Variants in ARID5B observed in about 807,000 individuals in gnomAD.
The protein encoded by ARID5B is AT-rich interactive domain-containing protein 5B.
In ARID5B, 13 loss-of-function variants were observed where a neutral mutation model predicts 97.2. The observed-to-expected ratio is 0.13, with a 90% CI of 0.09 to 0.21. The LOEUF (loss-of-function observed/expected upper bound fraction) is 0.21, where lower values mean the gene tolerates loss of function less well. Ranked by LOEUF, ARID5B falls within the 10% of genes least tolerant of loss-of-function variation. ARID5B has a pLI of 1.00. For synonymous variants in ARID5B, 556 were observed against 570.3 expected (o/e 0.97, Z 0.36); for missense variants, 1,210 against 1,465.3 (o/e 0.83, Z 2.84).
chr10:62,058,158 C>T (rs753533689), intron 6 of ARID5B, among the ~76,000 whole-genome samples: 7 of 152,188 alleles, frequency 4.6e-5, no homozygotes, highest in South Asian at 2.1e-4. Flanking sequence ...GGAGAACACT[C>T]GCAGCCATTA....
rs141948841 is a variant in ARID5B, at chr10:62,067,764, G to A, written c.1102-1936G>A. Reference sequence around the variant, plus strand: ...TGCTGCTGTGTGTCATTGGGCAAGTGTGCAGCCTCTCTGAATCTCCCTTCT... The same window carrying A: ...TGCTGCTGTGTGTCATTGGGCAAGTATGCAGCCTCTCTGAATCTCCCTTCT... On this transcript the variant is annotated intron_variant, in intron 7 of 9. Transcript: ENST00000279873. Among the ~76,000 whole-genome samples the A allele has an allele frequency of 7.4e-3, 1,125 of 152,366 alleles. 12 individuals are homozygous for A. Among genetic ancestry groups the A allele is most frequent in the African/African-American group, 0.026 (1,090 of 41,582 alleles).
intron 3 of ARID5B, among the ~76,000 whole-genome samples, chr10:61,951,812 C>A (rs957476735): frequency 3.9e-5 from 6 of 152,174 alleles, no homozygotes; most frequent in Admixed American, 3.3e-4. Context: ...ATAAAATCTA[C>A]TGTTTGGGAA....
Position 62,092,481 on chromosome 10 carries a change from T to C in ARID5B, c.3018T>C (p.Ile1006=), listed in dbSNP as rs777094949. 6.2e-7 allele frequency: 1 copy of C among 1,613,972 alleles called. No individual in the cohort carries two copies. Among genetic ancestry groups the C allele is most frequent in the Non-Finnish European group, 8.5e-7 (1 of 1,179,970 alleles). ...ACCGGAAAATGAGCCCGCAGAACAT[T>C]GGGGCGGCGCGGCCGATCAAGCGCA... ...ILHRKMSPQN[I]GAARPIKRSL... is the part of the protein sequence containing the mutation. Residue 1006 remains isoleucine (I), a synonymous_variant, in exon 10 of 10, where the codon ATT becomes ATC. Coordinates refer to ENST00000279873, the MANE Select transcript of ARID5B (RefSeq NM_032199.3).
intron 9 of ARID5B, among the ~76,000 whole-genome samples, chr10:62,088,821 T>C (rs927554999): frequency 2.0e-5 from 3 of 152,216 alleles, no homozygotes; most frequent in African/African-American, 7.2e-5. Flanking sequence ...TCAATGGAGA[T>C]ACAAAGGGTG....
At chr10:62,081,755 A>G (rs961972785) in intron 8 of ARID5B, among the ~76,000 whole-genome samples, 1 of 152,254 alleles carries the variant, frequency 6.6e-6, no homozygotes, top group Admixed American at 6.5e-5. Flanking sequence ...ACATTACAGT[A>G]ATAGATTTGC....
At chr10:62,053,226 AC>A (rs1839814062) in intron 5 of ARID5B, among the ~76,000 whole-genome samples, 1 of 152,176 alleles carries the variant, frequency 6.6e-6, no homozygotes, top group East Asian at 1.9e-4. Flanking sequence ...TGTGACCAAG[AC>A]CCATGTGACT....
intron 2 of ARID5B, among the ~76,000 whole-genome samples, chr10:61,904,394 C>T (rs1302489754): frequency 2.0e-5 from 3 of 152,098 alleles, no homozygotes; most frequent in Non-Finnish European, 4.4e-5. Context: ...AGAATAAAGG[C>T]TATATTTGCC....
chr10:62,001,738 C>G (rs1242137553), intron 4 of ARID5B, among the ~76,000 whole-genome samples: 1 of 152,080 alleles, frequency 6.6e-6, no homozygotes, highest in Non-Finnish European at 1.5e-5. Context: ...GACATTTTTT[C>G]CCTCTAAATT....
At chr10:62,069,999 T>C (rs1055161246) in intron 8 of ARID5B, among the ~76,000 whole-genome samples, 10 of 152,052 alleles carry the variant, frequency 6.6e-5, no homozygotes, top group Admixed American at 5.9e-4. Flanking sequence ...AGATGTTCTT[T>C]TAGTTTGGTT....
chr10:61,901,820 C>A (rs1485954953), intron 1 of ARID5B, 90 bp downstream of exon 1: 17 of 1,035,866 alleles, frequency 1.6e-5, no homozygotes, highest in South Asian at 1.6e-4. Context: ...CCCACCCACA[C>A]CCCCCACAAA....
intron 3 of ARID5B, among the ~76,000 whole-genome samples, chr10:61,965,340 G>A (rs979305611): frequency 6.6e-6 from 1 of 152,164 alleles, no homozygotes; most frequent in Non-Finnish European, 1.5e-5. Flanking sequence ...TTTGTAGAGA[G>A]AGGAGGATTT....
At chr10:61,916,321 C>T (rs1313198770) in intron 2 of ARID5B, among the ~76,000 whole-genome samples, 2 of 152,144 alleles carry the variant, frequency 1.3e-5, no homozygotes, top group South Asian at 4.1e-4. Context: ...GCCATGCCCA[C>T]GTTTACAAAT....
At chr10:61,909,041 G>C (rs897308183) in intron 2 of ARID5B, among the ~76,000 whole-genome samples, 1 of 152,088 alleles carries the variant, frequency 6.6e-6, no homozygotes, top group Non-Finnish European at 1.5e-5. Flanking sequence ...ACACATATTT[G>C]TAGAGCACCT....
chr10:61,940,602 AC>A (rs1844383061), intron 3 of ARID5B, among the ~76,000 whole-genome samples, 194 bp downstream of exon 3: 1 of 151,904 alleles, frequency 6.6e-6, no homozygotes, highest in Non-Finnish European at 1.5e-5. Flanking sequence ...GGATCAAAGG[AC>A]CTTTTATGTA....
chr10:61,983,701 C>T (rs143830562), intron 3 of ARID5B, among the ~76,000 whole-genome samples: 4 of 150,570 alleles, frequency 2.7e-5, no homozygotes, highest in South Asian at 2.1e-4. Context: ...TGCTGACCTG[C>T]GTATGAAGCA....
chr10:61,958,351 C>T (rs1301545428), intron 3 of ARID5B, among the ~76,000 whole-genome samples: 1 of 152,128 alleles, frequency 6.6e-6, no homozygotes, highest in Admixed American at 6.6e-5. Context: ...TCCTCAGCCT[C>T]GCAAATAGCT....
chr10:61,957,691 A>G (rs923345240), intron 3 of ARID5B, among the ~76,000 whole-genome samples: 1 of 152,252 alleles, frequency 6.6e-6, no homozygotes, highest in Non-Finnish European at 1.5e-5. Flanking sequence ...TGATTTTTAT[A>G]TAGATGGCAT....
intron 7 of ARID5B, among the ~76,000 whole-genome samples, chr10:62,060,826 G>A (rs1229938213): frequency 2.0e-5 from 3 of 152,134 alleles, no homozygotes; most frequent in Non-Finnish European, 2.9e-5. Context: ...TCACACTCTG[G>A]AACTTTTTGT....
At chr10:61,969,175 C>T (rs1298985859) in intron 3 of ARID5B, among the ~76,000 whole-genome samples, 1 of 152,062 alleles carries the variant, frequency 6.6e-6, no homozygotes, top group African/African-American at 2.4e-5. Context: ...AAATAAAGTG[C>T]TTTGTTTTGT....
Sources: allele counts gnomAD v4.1 joint callset (sites outside exome capture counted in the v4.1 genomes callset), GRCh38; gene constraint gnomAD v4.1.1; transcripts MANE v1.5; gene names NCBI Gene and HGNC (gene_info 2026-07-23, HGNC 2026-07-21).